The following PHACTR1 variants were observed in gnomAD, a reference collection of about 807,000 sequenced individuals.
PHACTR1 encodes phosphatase and actin regulator 1.
A neutral mutation model predicts 69.2 loss-of-function variants in PHACTR1; 16 were observed. The observed-to-expected ratio is 0.23, with a 90% CI of 0.16 to 0.35. The LOEUF is 0.35. PHACTR1 is among the 10% of genes least tolerant of loss of function. The pLI is 1.00. For missense variants in PHACTR1, 510 were observed against 734.7 expected (o/e 0.69, Z 3.54); for synonymous variants, 312 against 284.5 (o/e 1.10, Z -0.97).
intron 4 of PHACTR1, among the ~76,000 whole-genome samples, chr6:13,016,214 T>C (rs1479737092): frequency 6.6e-6 from 1 of 152,278 alleles, no homozygotes; most frequent in Non-Finnish European, 1.5e-5. Context: ...AACATTTGTA[T>C]GCTCAAGATC....
intron 5 of PHACTR1, among the ~76,000 whole-genome samples, chr6:13,055,246 C>A (rs1016475186): frequency 1.3e-5 from 2 of 151,984 alleles, no homozygotes; most frequent in African/African-American, 4.8e-5. Context: ...CATATAAGTC[C>A]CACCACTCTG....
At chr6:13,235,491 C>T (rs1224323693) in intron 10 of PHACTR1, among the ~76,000 whole-genome samples, 1 of 152,238 alleles carries the variant, frequency 6.6e-6, no homozygotes, top group Non-Finnish European at 1.5e-5. Context: ...CCTGTCAGGG[C>T]GACCTCGTGA....
At chr6:12,866,772 T>A (rs976568631) in intron 4 of PHACTR1, among the ~76,000 whole-genome samples, 4 of 152,142 alleles carry the variant, frequency 2.6e-5, no homozygotes, top group African/African-American at 9.7e-5. Context: ...AGAGAAGAAA[T>A]GCCAACAATA....
chr6:13,245,634 T>C lies in PHACTR1; in HGVS notation c.1391+15441T>C, dbSNP rs1382802346. 6.6e-6 allele frequency among the ~76,000 whole-genome samples: 1 copy of C among 152,240 alleles called. No individual in the cohort carries two copies. Among genetic ancestry groups the C allele is most frequent in the Non-Finnish European group, 1.5e-5 (1 of 68,040 alleles). On this transcript the variant is annotated intron_variant, in intron 10 of 14. Transcript: ENST00000332995. This position sits in a 1 kb window ranked among gnomAD's most constrained non-coding sequence, Gnocchi z 4.1. ...CTGTTTACTCTGTTGACAGTTTCTT[T>C]TGCTGTACAGAAGCTCTTTGGTTTA...
chr6:12,913,861 T>C (rs1786674057), intron 4 of PHACTR1, among the ~76,000 whole-genome samples: 1 of 152,216 alleles, frequency 6.6e-6, no homozygotes. Context: ...CCTACTCATT[T>C]TTGACACTTT....
intron 4 of PHACTR1, among the ~76,000 whole-genome samples, chr6:12,873,471 C>T (rs1423376829): frequency 2.6e-5 from 4 of 151,464 alleles, no homozygotes; most frequent in Non-Finnish European, 2.9e-5. Context: ...TGGGAGAGAA[C>T]GATATAAACA....
intron 4 of PHACTR1, among the ~76,000 whole-genome samples, chr6:12,987,416 ATAGT>A (rs925818908): frequency 2.6e-5 from 4 of 152,208 alleles, no homozygotes; most frequent in South Asian, 2.1e-4. Context: ...ACAATTTGTA[ATAGT>A]TAGGTAGAAG....
In PHACTR1 at chr6:12,741,465, T is replaced by G. The variant is rs72835657; in HGVS notation, c.104-8179T>G. On this transcript the variant is annotated intron_variant, in intron 3 of 14. Transcript: ENST00000332995. ...ATTGTGTGAGGCAGGGATCAAGGTTTATTTTCTTCCACCATATATATACTT... is the reference window on the plus strand; with the variant it reads ...ATTGTGTGAGGCAGGGATCAAGGTTGATTTTCTTCCACCATATATATACTT... Among the ~76,000 whole-genome samples the G allele has an allele frequency of 3.0e-4, 46 of 152,244 alleles. No individual in the cohort carries two copies. In the Middle Eastern group the frequency reaches 0.01, roughly 34 times the overall value.
chr6:13,020,243 A>G (rs1333114586), intron 4 of PHACTR1, among the ~76,000 whole-genome samples: 1 of 152,228 alleles, frequency 6.6e-6, no homozygotes, highest in Non-Finnish European at 1.5e-5. Flanking sequence ...AATCAGCCAG[A>G]AGGTTAGCAG....
chr6:12,838,043 C>A (rs1457206123), intron 4 of PHACTR1, among the ~76,000 whole-genome samples: 2 of 152,224 alleles, frequency 1.3e-5, no homozygotes, highest in Non-Finnish European at 2.9e-5. Context: ...GACTGAGGGA[C>A]TTGGTTTCTC....
chr6:13,040,716 C>T (rs1446385855), intron 4 of PHACTR1, among the ~76,000 whole-genome samples: 1 of 152,176 alleles, frequency 6.6e-6, no homozygotes, highest in Non-Finnish European at 1.5e-5. Flanking sequence ...GCAATCAACA[C>T]TCTAAATTTG....
At chr6:12,992,942 G>A (rs969291914) in intron 4 of PHACTR1, among the ~76,000 whole-genome samples, 1 of 152,168 alleles carries the variant, frequency 6.6e-6, no homozygotes, top group Non-Finnish European at 1.5e-5. Flanking sequence ...CTTTTATTAT[G>A]CAAATGGGTT....
At chr6:12,873,578 A>G (rs1355157256) in intron 4 of PHACTR1, among the ~76,000 whole-genome samples, 1 of 152,170 alleles carries the variant, frequency 6.6e-6, no homozygotes, top group African/African-American at 2.4e-5. Flanking sequence ...TCAGGTGTTC[A>G]TGTACAGGGA....
Position 12,989,234 on chromosome 6 carries a change from G to A in PHACTR1, c.251-64131G>A, listed in dbSNP as rs189831205. On this transcript the variant is annotated intron_variant, in intron 4 of 14. Transcript: ENST00000332995. The stretch of plus-strand genomic sequence containing the variant: ...CTATTCATGTGTCCAGGAACTAAAG[G>A]CACAAATATAAAGAAGATATAATTG... Among the ~76,000 whole-genome samples, 7 of 152,218 alleles carry A rather than the reference G, an allele frequency of 4.6e-5. No homozygotes were observed. In the East Asian group the frequency reaches 1.3e-3, roughly 29 times the overall value.
intron 4 of PHACTR1, among the ~76,000 whole-genome samples, chr6:12,991,119 T>C (rs909180982): frequency 4.6e-5 from 7 of 152,212 alleles, no homozygotes; most frequent in South Asian, 2.1e-4. Flanking sequence ...AACCACCCTC[T>C]TCTGCCCAGT....
Position 12,859,334 on chromosome 6 carries a change from C to T in PHACTR1, c.250+109544C>T, listed in dbSNP as rs186079005. Among the ~76,000 whole-genome samples the T allele has an allele frequency of 1.2e-3, 187 of 152,240 alleles. 1 individual carries two copies. Among genetic ancestry groups the T allele is most frequent in the African/African-American group, 3.6e-3 (148 of 41,530 alleles). Reference sequence around the variant, plus strand: ...CCATAAAAGAGCTGGTCAACATGCTCCATATCAGCGAATGATACTTACAGC... The same window carrying T: ...CCATAAAAGAGCTGGTCAACATGCTTCATATCAGCGAATGATACTTACAGC... On this transcript the variant is annotated intron_variant, in intron 4 of 14. Transcript: ENST00000332995.
At chr6:13,034,415 C>A (rs1000267258) in intron 4 of PHACTR1, among the ~76,000 whole-genome samples, 1 of 152,184 alleles carries the variant, frequency 6.6e-6, no homozygotes, top group Non-Finnish European at 1.5e-5. Context: ...GTTGGAGAAA[C>A]CTTTTGTTAA....
intron 4 of PHACTR1, among the ~76,000 whole-genome samples, chr6:12,866,983 A>G (rs35954478): frequency 0.097 from 14,819 of 152,034 alleles, 925 homozygotes; most frequent in African/African-American, 0.17. Context: ...CCAGTTGCCC[A>G]TTGTGTTTGC....
At chr6:12,962,830 T>C (rs1792921360) in intron 4 of PHACTR1, among the ~76,000 whole-genome samples, 1 of 152,238 alleles carries the variant, frequency 6.6e-6, no homozygotes, top group African/African-American at 2.4e-5. Flanking sequence ...TACAGGAAGA[T>C]TGATCCTGTC....
Sources: gnomAD v4.1 joint callset for allele counts (sites outside exome capture counted in the v4.1 genomes callset) on GRCh38, gnomAD v4.1.1 for gene constraint, Gnocchi (gnomAD v3.1) non-coding constraint, MANE v1.5 for transcripts, NCBI Gene and HGNC (gene_info 2026-07-23, HGNC 2026-07-21) for gene names.